GTF2E2: variants seen among roughly 807,000 people sequenced by gnomAD.
GTF2E2 encodes the protein general transcription factor IIE subunit 2, also known as transcription initiation factor IIE subunit beta.
GTF2E2 carries 21 observed loss-of-function variants against 40.5 expected under a neutral mutation model. That is an observed-to-expected ratio of 0.52 (90% CI 0.37 to 0.75). The LOEUF (loss-of-function observed/expected upper bound fraction) is 0.75. Ranked by LOEUF, GTF2E2 falls within the 30% of genes least tolerant of loss-of-function variation. GTF2E2 has a pLI of 0.00. For synonymous variants in GTF2E2, 117 were observed against 121.6 expected (o/e 0.96, Z 0.25); for missense variants, 298 against 338.4 (o/e 0.88, Z 0.94).
intron 3 of GTF2E2, among the ~76,000 whole-genome samples, chr8:30,629,804 T>C (rs1001524761): frequency 6.6e-6 from 1 of 151,814 alleles, no homozygotes; most frequent in Non-Finnish European, 1.5e-5. Context: ...GTGATGCTGA[T>C]ACTGCTGGCT....
At chr8:30,644,917 A>G (rs983489024) in intron 2 of GTF2E2, among the ~76,000 whole-genome samples, 2 of 151,562 alleles carry the variant, frequency 1.3e-5, no homozygotes, top group African/African-American at 4.8e-5. Flanking sequence ...TGCCTGGCTA[A>G]TTTTTGTATG....
At chr8:30,604,992 G>A (rs936343803) in intron 6 of GTF2E2, among the ~76,000 whole-genome samples, 2 of 152,196 alleles carry the variant, frequency 1.3e-5, no homozygotes, top group Non-Finnish European at 2.9e-5. Flanking sequence ...TTAGCGTGCA[G>A]ATTACAAGAA....
intron 2 of GTF2E2, among the ~76,000 whole-genome samples, chr8:30,642,844 T>C (rs1801899756): frequency 1.3e-5 from 2 of 152,248 alleles, no homozygotes; most frequent in Non-Finnish European, 1.5e-5. Context: ...TAACTGAATT[T>C]AGTTATGTAT....
chr8:30,638,765 T>TC (rs1230086164), intron 2 of GTF2E2: 1 of 152,434 alleles, frequency 6.6e-6, no homozygotes, highest in African/African-American at 2.4e-5. Flanking sequence ...AGCAATGTAT[T>TC]CGTTTCACCG....
intron 3 of GTF2E2, among the ~76,000 whole-genome samples, chr8:30,630,724 T>C (rs1374988660): frequency 6.6e-6 from 1 of 152,078 alleles, no homozygotes; most frequent in Non-Finnish European, 1.5e-5. Flanking sequence ...AAAAAAATGG[T>C]TTCAGGGAAG....
At chr8:30,616,945 G>GA (rs541062241) in intron 3 of GTF2E2, among the ~76,000 whole-genome samples, 17 of 151,732 alleles carry the variant, frequency 1.1e-4, no homozygotes, top group South Asian at 1.0e-3. Context: ...AGAACCACTG[G>GA]AAAAAAAATC....
chr8:30,603,679 G>GT (rs542276209), intron 6 of GTF2E2, among the ~76,000 whole-genome samples: 13 of 152,256 alleles, frequency 8.5e-5, no homozygotes, highest in Admixed American at 8.5e-4. Context: ...CATAAAAGTT[G>GT]TGAGAGATTC....
intron 2 of GTF2E2, chr8:30,645,649 G>A: frequency 4.8e-6 from 7 of 1,452,422 alleles, no homozygotes; most frequent in Admixed American, 2.5e-5. Flanking sequence ...CCTCTTCTGA[G>A]AAAAAAAATA....
intron 2 of GTF2E2, among the ~76,000 whole-genome samples, chr8:30,636,770 T>G (rs1020105163): frequency 6.6e-6 from 1 of 151,782 alleles, no homozygotes; most frequent in African/African-American, 2.4e-5. Flanking sequence ...GGAGAATCAC[T>G]TGAACGAGAG....
chr8:30,606,886 C>T (rs1054792562), intron 6 of GTF2E2, among the ~76,000 whole-genome samples, 171 bp downstream of exon 6: 1 of 152,056 alleles, frequency 6.6e-6, no homozygotes, highest in African/African-American at 2.4e-5. Context: ...TTTCAAATTG[C>T]ATTCTAAGCA....
intron 1 of GTF2E2, chr8:30,657,121 A>G (rs905818425): frequency 2.6e-5 from 4 of 152,190 alleles, no homozygotes; most frequent in African/African-American, 9.7e-5. Context: ...AAGCTTCGCA[A>G]TGTCTGTCTT....
At chr8:30,635,283 T>C (rs1028329391) in intron 2 of GTF2E2, among the ~76,000 whole-genome samples, 160 bp from the exon 3 acceptor site, 1 of 152,186 alleles carries the variant, frequency 6.6e-6, no homozygotes, top group Non-Finnish European at 1.5e-5. Context: ...TTTGAGTATA[T>C]ACATTAAAGT....
At chr8:30,589,284 C>T (rs988098464) in intron 6 of GTF2E2, among the ~76,000 whole-genome samples, 1 of 152,146 alleles carries the variant, frequency 6.6e-6, no homozygotes, top group African/African-American at 2.4e-5. Flanking sequence ...TGGCATGGTG[C>T]AATGACTCAC....
chr8:30,579,112 G>A lies in GTF2E2; in HGVS notation c.760-75C>T, dbSNP rs149215642. On this transcript the variant is annotated intron_variant, in intron 7 of 7. Coordinates refer to ENST00000355904, the MANE Select transcript of GTF2E2 (RefSeq NM_002095.6). ...GGTGTGGCCAGGATGTTCTGAGCAT[G>A]CCCAGATGCCAGTGGCTGAGGATGC... The A allele has an allele frequency of 4.4e-5, 36 of 809,702 alleles. No individual in the cohort carries two copies. The East Asian group carries it at 7.9e-4, about 18-fold the overall frequency. The allele number at this position is 809,702 out of a possible 1,614,324, so 50.2% of individuals were successfully genotyped here.
intron 6 of GTF2E2, among the ~76,000 whole-genome samples, chr8:30,593,330 C>G (rs1828902138): frequency 1.3e-5 from 2 of 152,206 alleles, no homozygotes; most frequent in African/African-American, 4.8e-5. Flanking sequence ...TCTGTTCAAT[C>G]AACTACTGAA....
chr8:30,633,533 C>G (rs948093332), intron 3 of GTF2E2, among the ~76,000 whole-genome samples: 5 of 152,032 alleles, frequency 3.3e-5, no homozygotes, highest in Admixed American at 2.0e-4. Context: ...TAAATATGTA[C>G]AAAGGGGTAC....
At chr8:30,616,133 G>A (rs1328249827) in intron 3 of GTF2E2, among the ~76,000 whole-genome samples, 1 of 152,126 alleles carries the variant, frequency 6.6e-6, no homozygotes, top group African/African-American at 2.4e-5. Context: ...AAAAACCATG[G>A]AGACAATAAA....
chr8:30,639,297 TTTAA>T (rs1350194951), intron 2 of GTF2E2, among the ~76,000 whole-genome samples: 1 of 152,178 alleles, frequency 6.6e-6, no homozygotes, highest in Non-Finnish European at 1.5e-5. Flanking sequence ...TTCCTTAACA[TTTAA>T]TTAAAGTATT....
intron 3 of GTF2E2, among the ~76,000 whole-genome samples, chr8:30,621,555 T>C (rs1801102468): frequency 6.6e-6 from 1 of 152,156 alleles, no homozygotes; most frequent in Non-Finnish European, 1.5e-5. Flanking sequence ...GATTTAGTTT[T>C]CAGCAAAGAA....
Sources: allele counts gnomAD v4.1 joint callset (sites outside exome capture counted in the v4.1 genomes callset), GRCh38; gene constraint gnomAD v4.1.1; transcripts MANE v1.5; gene names NCBI Gene and HGNC (gene_info 2026-07-23, HGNC 2026-07-21).